FAM227B: variants seen among roughly 807,000 people sequenced by gnomAD.
The protein encoded by FAM227B is family with sequence similarity 227 member B.
Under a neutral mutation model 73.8 loss-of-function variants are expected in FAM227B, and 88 were observed. That is an observed-to-expected ratio of 1.19 (90% CI 1.00 to 1.42). The LOEUF is 1.42. FAM227B is among the 40% of genes most tolerant of loss of function. The pLI is 0.00. For synonymous variants in FAM227B, 210 were observed against 190.5 expected (o/e 1.10, Z -0.84); for missense variants, 632 against 590.9 (o/e 1.07, Z -0.72).
At chr15:49,458,157 T>G (rs935085966) in intron 11 of FAM227B, among the ~76,000 whole-genome samples, 2 of 151,984 alleles carry the variant, frequency 1.3e-5, no homozygotes, top group Admixed American at 6.6e-5. Flanking sequence ...ATCACTAACA[T>G]AAATTATTGA....
intron 11 of FAM227B, among the ~76,000 whole-genome samples, chr15:49,477,920 T>A (rs1260373405): frequency 6.6e-6 from 1 of 152,216 alleles, no homozygotes; most frequent in African/African-American, 2.4e-5. Flanking sequence ...AATTCCTTTT[T>A]AAATAATTTC....
intron 14 of FAM227B, 45 bp from the exon 15 acceptor site, chr15:49,331,894 T>G: frequency 9.0e-7 from 1 of 1,114,836 alleles, no homozygotes; most frequent in Non-Finnish European, 1.4e-6. Context: ...TAATTGTCCT[T>G]ATATTGACAC....
chr15:49,340,890 G>A (rs1816367252), intron 13 of FAM227B, among the ~76,000 whole-genome samples: 1 of 152,116 alleles, frequency 6.6e-6, no homozygotes, highest in African/African-American at 2.4e-5. Flanking sequence ...GATTCTTATA[G>A]TGTAAAGTCT....
chr15:49,476,346 G>T (rs2151988606), intron 11 of FAM227B, among the ~76,000 whole-genome samples: 1 of 151,164 alleles, frequency 6.6e-6, no homozygotes, highest in East Asian at 1.9e-4. Flanking sequence ...ATCCAGATAG[G>T]ATATCATAAT....
intron 11 of FAM227B, chr15:49,484,394 A>G (rs773144441): frequency 6.3e-7 from 1 of 1,594,396 alleles, no homozygotes; most frequent in South Asian, 1.1e-5. Context: ...ATGGACACAC[A>G]ACGGAGGGGA....
intron 13 of FAM227B, among the ~76,000 whole-genome samples, chr15:49,364,802 T>C (rs925024751): frequency 1.3e-5 from 2 of 152,090 alleles, no homozygotes; most frequent in Admixed American, 1.3e-4. Context: ...TATCTACCAT[T>C]AGAGTTGGAA....
chr15:49,559,635 A>G (rs911490512), intron 9 of FAM227B, among the ~76,000 whole-genome samples: 4 of 152,088 alleles, frequency 2.6e-5, no homozygotes, highest in Non-Finnish European at 5.9e-5. Flanking sequence ...AGGAACTAGC[A>G]TAAGAATTCT....
intron 13 of FAM227B, among the ~76,000 whole-genome samples, chr15:49,352,343 T>C (rs1460485593): frequency 2.0e-5 from 3 of 152,180 alleles, no homozygotes; most frequent in African/African-American, 4.8e-5. Flanking sequence ...GATGGAAGAA[T>C]TGGTGAGGTC....
intron 11 of FAM227B, among the ~76,000 whole-genome samples, chr15:49,464,506 A>G (rs1196500264): frequency 6.6e-6 from 1 of 152,194 alleles, no homozygotes; most frequent in Admixed American, 6.5e-5. Context: ...TAATGATGAT[A>G]AAATGCTGGA....
chr15:49,327,384 AC>A lies in FAM227B; in HGVS notation c.*1183del. 6.6e-6 allele frequency: 1 copy of A among 152,316 alleles called. No individual in the cohort carries two copies. Among genetic ancestry groups the A allele is most frequent in the East Asian group, 1.9e-4 (1 of 5,182 alleles). 9.4% of individuals were successfully genotyped at this position (152,316 alleles called of 1,614,324 possible). A position where few individuals can be genotyped will look rare whatever the true frequency, so the allele number is the denominator to read the frequency against. ...CACCGACCCAACCTGGAGTTTAATA[AC>A]ACGCTTTTTGTTGATAAGTTTATTC... On this transcript the variant is annotated 3_prime_UTR_variant, in exon 16 of 16. Transcript: ENST00000299338.
chr15:49,422,199 G>A (rs2049740903), intron 11 of FAM227B, among the ~76,000 whole-genome samples: 1 of 150,286 alleles, frequency 6.7e-6, no homozygotes, highest in African/African-American at 2.4e-5. Context: ...TGTGTTTTGA[G>A]GAGTATATAA....
chr15:49,559,135 G>A (rs768681557), intron 9 of FAM227B, among the ~76,000 whole-genome samples: 9 of 152,090 alleles, frequency 5.9e-5, no homozygotes, highest in Non-Finnish European at 1.2e-4. Flanking sequence ...TAGGAGTCAT[G>A]AGCCCTGGAA....
chr15:49,445,504 T>A, intron 11 of FAM227B, among the ~76,000 whole-genome samples: 1 of 151,570 alleles, frequency 6.6e-6, no homozygotes, highest in Non-Finnish European at 1.5e-5. Flanking sequence ...CAAACAGACC[T>A]TTTGCTTAAG....
chr15:49,458,480 C>T (rs1325195684), intron 11 of FAM227B, among the ~76,000 whole-genome samples: 1 of 151,980 alleles, frequency 6.6e-6, no homozygotes, highest in East Asian at 1.9e-4. Flanking sequence ...TTTTCCTGTT[C>T]CCTCTTTACC....
rs769479272 is a variant in FAM227B at position 49,590,002 on chromosome 15, A to G, written c.111T>C (p.Tyr37=). The change falls in exon 4 of 16, where the codon TAT becomes TAC. Residue 37 remains tyrosine, a synonymous_variant. Coordinates refer to ENST00000299338, the MANE Select transcript of FAM227B (RefSeq NM_152647.3). ...CTCTAAAATGGATTTCCCTTGGCCA[A>G]TAATCCTGCAAAAAACGTGAAAGAG... ...EEFLKFQNWD[Y]WPREIHFRDD... The G allele has an allele frequency of 1.3e-6, 2 of 1,537,096 alleles. No homozygotes were observed. The highest frequency in any genetic ancestry group is 1.8e-6 in the Non-Finnish European group (2 of 1,113,196).
At chr15:49,395,397 C>A (rs994861516) in intron 11 of FAM227B, among the ~76,000 whole-genome samples, 1 of 152,118 alleles carries the variant, frequency 6.6e-6, no homozygotes, top group East Asian at 1.9e-4. Flanking sequence ...TTTAAGGACA[C>A]TGGAAACAAC....
At chr15:49,515,780 T>C (rs2059336690) in intron 10 of FAM227B, among the ~76,000 whole-genome samples, 1 of 152,204 alleles carries the variant, frequency 6.6e-6, no homozygotes, top group Admixed American at 6.5e-5. Flanking sequence ...CTATCAACTT[T>C]AGATCTTCTC....
At chr15:49,381,730 A>C (rs1047160298) in intron 11 of FAM227B, among the ~76,000 whole-genome samples, 2 of 152,194 alleles carry the variant, frequency 1.3e-5, no homozygotes, top group Non-Finnish European at 2.9e-5. Context: ...TGAGGAAGAC[A>C]ACACTAATTG....
chr15:49,570,934 T>C (rs926109430), intron 8 of FAM227B, among the ~76,000 whole-genome samples: 1 of 148,010 alleles, frequency 6.8e-6, no homozygotes, highest in Non-Finnish European at 1.5e-5. Flanking sequence ...ATTAAATATA[T>C]ATTATATATA....
Sources: allele counts gnomAD v4.1 joint callset (sites outside exome capture counted in the v4.1 genomes callset), GRCh38; gene constraint gnomAD v4.1.1; transcripts MANE v1.5; gene names NCBI Gene and HGNC (gene_info 2026-07-23, HGNC 2026-07-21).